Variants in RAB15 observed in about 807,000 individuals in gnomAD.
RAB15 encodes ras-related protein Rab-15.
Under a neutral mutation model 31.8 loss-of-function variants are expected in RAB15, and 13 were observed. The ratio of observed to expected loss-of-function variants is 0.41; its 90% CI spans 0.27 to 0.65. The LOEUF (loss-of-function observed/expected upper bound fraction) is 0.65. Ranked by LOEUF, RAB15 falls within the 30% of genes least tolerant of loss-of-function variation. The pLI, the probability that RAB15 is intolerant of heterozygous loss-of-function variation, is 0.32. For synonymous variants in RAB15, 100 were observed against 105.6 expected, an observed-to-expected ratio of 0.95 and a Z score of 0.33; for missense variants, 220 against 277.3, an observed-to-expected ratio of 0.79 and a Z score of 1.47.
chr14:64,957,285 T>G (rs1362921214), intron 1 of RAB15, among the ~76,000 whole-genome samples: 1 of 152,140 alleles, frequency 6.6e-6, no homozygotes, highest in African/African-American at 2.4e-5. Context: ...CTAAGGGCTG[T>G]GCTGGGATAA....
In RAB15 at chr14:64,948,113, A is replaced by T; in HGVS notation, c.*241T>A. 2.2e-6 allele frequency: 1 copy of T among 450,348 alleles called. No homozygotes were observed. Among genetic ancestry groups the T allele is most frequent in the East Asian group, 3.5e-5 (1 of 28,348 alleles). The allele number at this position is 450,348 out of a possible 1,614,324, so 27.9% of individuals were successfully genotyped here. A position where few individuals can be genotyped will look rare whatever the true frequency, so the allele number is the denominator to read the frequency against. ...TGCGGCACATCGTGGGGGTCGTAGC[A>T]GGCCTGTGGCTGGGGAAACAGGCTG... On this transcript the variant is annotated 3_prime_UTR_variant, in exon 7 of 7. Coordinates refer to ENST00000533601, the MANE Select transcript of RAB15 (RefSeq NM_001308154.2). This position sits in a 1 kb window ranked among gnomAD's most constrained non-coding sequence, Gnocchi z 7.0.
chr14:64,948,573 G>T lies in RAB15; in HGVS notation c.481-61C>A. The T allele has an allele frequency of 3.7e-6, 6 of 1,604,204 alleles. No individual in the cohort carries two copies. The South Asian group carries it at 6.7e-5, about 18-fold the overall frequency. The stretch of plus-strand genomic sequence containing the variant: ...CCTCCTCTCCCCTGGCAACCCTGCA[G>T]CGGCCTGAGGGATAAGGTCCATCTT... On this transcript the variant is annotated intron_variant, in intron 6 of 6. Transcript: ENST00000533601. The surrounding 1 kb of genome is among the most constrained non-coding windows in gnomAD (Gnocchi z 7.0).
chr14:64,946,251 G>C lies in RAB15; in HGVS notation c.*2103C>G, dbSNP rs1885915871. ...TAGTCCTTCTTTCCTGAGGGGGCTA[G>C]GAGAGAAAGACAATGAATGGCACCC... On this transcript the variant is annotated 3_prime_UTR_variant, in exon 7 of 7. Coordinates refer to ENST00000533601, the MANE Select transcript of RAB15 (RefSeq NM_001308154.2). 6.6e-6 allele frequency: 1 copy of C among 152,236 alleles called. No individual in the cohort carries two copies. The allele number at this position is 152,236 out of a possible 1,614,324, so 9.4% of individuals were successfully genotyped here.
At chr14:64,956,840 C>A (rs1006788514) in intron 1 of RAB15, among the ~76,000 whole-genome samples, 1 of 152,118 alleles carries the variant, frequency 6.6e-6, no homozygotes, top group Middle Eastern at 3.2e-3. Context: ...ATGGAAGAAA[C>A]ATCCATTGGC....
chr14:64,954,224 C>T lies in RAB15; in HGVS notation c.125-1653G>A, dbSNP rs929989040. The T allele has an allele frequency of 6.1e-6, 6 of 985,158 alleles. No homozygotes were observed. The African/African-American group carries it at 1.0e-4, about 17-fold the overall frequency. 61.0% of individuals were successfully genotyped at this position (985,158 alleles called of 1,614,324 possible). A position where few individuals can be genotyped will look rare whatever the true frequency, so the allele number is the denominator to read the frequency against. On this transcript the variant is annotated intron_variant, in intron 1 of 6. Coordinates refer to ENST00000533601, the MANE Select transcript of RAB15 (RefSeq NM_001308154.2). The surrounding 1 kb of genome is among the most constrained non-coding windows in gnomAD (Gnocchi z 4.3). The stretch of plus-strand genomic sequence containing the variant: ...CCTGGCAGCCATTCTTCCATGTGTG[C>T]AGAGAAAGAGTGAAGAGAAGGAGGG...
Position 64,947,988 on chromosome 14 carries a change from C to CAGAGA in RAB15, c.*361_*365dup, listed in dbSNP as rs1243122177. The CAGAGA allele has an allele frequency of 9.2e-6, 2 of 216,678 alleles. No homozygotes were observed. Among genetic ancestry groups the CAGAGA allele is most frequent in the East Asian group, 9.7e-5 (1 of 10,316 alleles). The allele number at this position is 216,678 out of a possible 1,614,324, so 13.4% of individuals were successfully genotyped here. On this transcript the variant is annotated 3_prime_UTR_variant, in exon 7 of 7. Transcript: ENST00000533601. This position sits in a 1 kb window ranked among gnomAD's most constrained non-coding sequence, Gnocchi z 5.6. ...GAGAAGTGGGGGAAGAGAGAAAAAG[C>CAGAGA]AGAGAAGAGACACGATGCACGGAGA...
Position 64,955,104 on chromosome 14 carries a change from C to T in RAB15, c.125-2533G>A, listed in dbSNP as rs1886470277. Among the ~76,000 whole-genome samples, 1 of 152,128 alleles carries T rather than the reference C, an allele frequency of 6.6e-6. No homozygotes were observed. The highest frequency in any genetic ancestry group is 2.1e-4 in the South Asian group (1 of 4,822). ...ACTCCCCGGCCTCACACACACCCCACCATCTTGCAACCTAGGTCTCACTGG... is the reference window on the plus strand; with the variant it reads ...ACTCCCCGGCCTCACACACACCCCATCATCTTGCAACCTAGGTCTCACTGG... On this transcript the variant is annotated intron_variant, in intron 1 of 6. Coordinates refer to ENST00000533601, the MANE Select transcript of RAB15 (RefSeq NM_001308154.2). The surrounding 1 kb of genome is among the most constrained non-coding windows in gnomAD (Gnocchi z 4.4).
At chr14:64,956,128 C>T (rs1204591294) in intron 1 of RAB15, among the ~76,000 whole-genome samples, 3 of 152,104 alleles carry the variant, frequency 2.0e-5, no homozygotes, top group African/African-American at 7.2e-5. Flanking sequence ...TCTGGCCGCA[C>T]GCGGTGGCTC....
At chr14:64,967,808 C>T (rs1473810278) in intron 1 of RAB15, among the ~76,000 whole-genome samples, 2 of 152,178 alleles carry the variant, frequency 1.3e-5, no homozygotes, top group African/African-American at 2.4e-5. Flanking sequence ...GCTTGAACCA[C>T]TCCCCATTCT....
In RAB15 at chr14:64,971,731, C is replaced by T; in HGVS notation, c.124+222G>A. On this transcript the variant is annotated intron_variant, in intron 1 of 6. Coordinates refer to ENST00000533601, the MANE Select transcript of RAB15 (RefSeq NM_001308154.2). The surrounding 1 kb of genome is among the most constrained non-coding windows in gnomAD (Gnocchi z 4.1). ...TTTGATGGGACGGAAGGCTTCCCGG[C>T]AAGAGGCGGGAGACCCCACCCCTGG... 1 of 562,902 alleles carries T rather than the reference C, an allele frequency of 1.8e-6. No homozygotes were observed. Among genetic ancestry groups the T allele is most frequent in the East Asian group, 3.2e-5 (1 of 31,472 alleles). The allele number at this position is 562,902 out of a possible 1,614,324, so 34.9% of individuals were successfully genotyped here.
rs774631513 is a variant in RAB15, at chr14:64,951,532, A to T, written c.246+71T>A. ...TATTTAGGGGATCCGTGGCACAGAC[A>T]TCTCAAATACCCAGAGCTGGGAGTG... On this transcript the variant is annotated intron_variant, in intron 3 of 6. Transcript: ENST00000533601. This position sits in a 1 kb window ranked among gnomAD's most constrained non-coding sequence, Gnocchi z 7.2. 7.2e-7 allele frequency: 1 copy of T among 1,382,446 alleles called. No homozygotes were observed. Among genetic ancestry groups the T allele is most frequent in the Non-Finnish European group, 1.0e-6 (1 of 968,432 alleles). 85.6% of individuals were successfully genotyped at this position (1,382,446 alleles called of 1,614,324 possible). A position where few individuals can be genotyped will look rare whatever the true frequency, so the allele number is the denominator to read the frequency against.
In RAB15 at chr14:64,972,287, C is replaced by CGCTCG. The variant is rs553336425; in HGVS notation, c.-216_-212dup. On this transcript the variant is annotated 5_prime_UTR_variant, in exon 1 of 7. Coordinates refer to ENST00000533601, the MANE Select transcript of RAB15 (RefSeq NM_001308154.2). The surrounding 1 kb of genome is among the most constrained non-coding windows in gnomAD (Gnocchi z 6.3). ...TGCGGCGGGAGCCCGGCGCGGCGCC[C>CGCTCG]GCTCGGCTCGGCTCGGCTCGGCTGG... 0.16 allele frequency: 26,865 copies of CGCTCG among 163,370 alleles called. 2,810 individuals carry two copies. The highest frequency in any genetic ancestry group is 0.2 in the Non-Finnish European group (16,379 of 80,630). 10.1% of individuals were successfully genotyped at this position (163,370 alleles called of 1,614,324 possible).
rs563478294 is a variant in RAB15, at chr14:64,967,050, T to G, written c.124+4903A>C. 6.3e-5 allele frequency among the ~76,000 whole-genome samples: 5 copies of G among 79,838 alleles called. No individual in the cohort carries two copies. In the East Asian group the frequency reaches 1.8e-3, roughly 30 times the overall value. 52.4% of individuals were successfully genotyped at this position (79,838 alleles called of 152,430 possible). Reference sequence around the variant, plus strand: ...CCCTCCCTCACCATCTCCCACCTCCTCAGTCAAAAGCAAAGTCAAGACAGG... The same window carrying G: ...CCCTCCCTCACCATCTCCCACCTCCGCAGTCAAAAGCAAAGTCAAGACAGG... On this transcript the variant is annotated intron_variant, in intron 1 of 6. Coordinates refer to ENST00000533601, the MANE Select transcript of RAB15 (RefSeq NM_001308154.2).
Position 64,948,225 on chromosome 14 carries a change from T to C in RAB15, c.*129A>G. The C allele has an allele frequency of 1.1e-6, 1 of 916,566 alleles. No homozygotes were observed. The highest frequency in any genetic ancestry group is 1.5e-6 in the Non-Finnish European group (1 of 660,004). 56.8% of individuals were successfully genotyped at this position (916,566 alleles called of 1,614,324 possible). On this transcript the variant is annotated 3_prime_UTR_variant, in exon 7 of 7. Coordinates refer to ENST00000533601, the MANE Select transcript of RAB15 (RefSeq NM_001308154.2). The surrounding 1 kb of genome is among the most constrained non-coding windows in gnomAD (Gnocchi z 7.0). ...CGCTCTCAGGGCCAGGCAGGGGGAG[T>C]AGTGGCTACTGATACTCAATAGGGT...
chr14:64,956,730 C>A (rs1293208631), intron 1 of RAB15, among the ~76,000 whole-genome samples: 1 of 151,666 alleles, frequency 6.6e-6, no homozygotes, highest in Non-Finnish European at 1.5e-5. Context: ...CGTGCCTAGA[C>A]CTACTGAATC....
intron 1 of RAB15, among the ~76,000 whole-genome samples, chr14:64,961,002 G>T (rs1411955667): frequency 1.3e-5 from 2 of 152,160 alleles, no homozygotes; most frequent in African/African-American, 4.8e-5. Context: ...GCCAAGCTCC[G>T]CATGCTTCAG....
intron 1 of RAB15, among the ~76,000 whole-genome samples, chr14:64,964,339 T>C (rs1314117843): frequency 6.6e-6 from 1 of 151,636 alleles, no homozygotes; most frequent in African/African-American, 2.4e-5. Context: ...CTGGCCAACA[T>C]GGTGAAACCC....
intron 1 of RAB15, among the ~76,000 whole-genome samples, chr14:64,966,529 A>AT (rs1887148037): frequency 6.6e-6 from 1 of 150,578 alleles, no homozygotes; most frequent in African/African-American, 2.4e-5. Context: ...TCTCAAAAAA[A>AT]AATAAATAAA....
At chr14:64,964,210 G>A (rs949185951) in intron 1 of RAB15, among the ~76,000 whole-genome samples, 1 of 152,126 alleles carries the variant, frequency 6.6e-6, no homozygotes, top group African/African-American at 2.4e-5. Flanking sequence ...ATTTTAATCA[G>A]GGAAGAGCAA....
Sources: allele counts gnomAD v4.1 joint callset (sites outside exome capture counted in the v4.1 genomes callset), GRCh38; gene constraint gnomAD v4.1.1; non-coding constraint Gnocchi (gnomAD v3.1); transcripts MANE v1.5; gene names NCBI Gene and HGNC (gene_info 2026-07-23, HGNC 2026-07-21).